The following KCNQ5 variants were observed in gnomAD, a reference collection of about 807,000 sequenced individuals.
KCNQ5 encodes potassium voltage-gated channel subfamily KQT member 5.
A neutral mutation model predicts 98.2 loss-of-function variants in KCNQ5; 30 were observed. The ratio of observed to expected loss-of-function variants is 0.31; its 90% CI spans 0.23 to 0.41. The LOEUF is 0.41. Ranked by LOEUF, KCNQ5 falls within the 10% of genes least tolerant of loss-of-function variation. The pLI, the probability that KCNQ5 is intolerant of heterozygous loss-of-function variation, is 1.00. For missense variants in KCNQ5, 835 were observed against 1,182.5 expected (o/e 0.71, Z 4.31); for synonymous variants, 458 against 449.4 (o/e 1.02, Z -0.24).
chr6:72,878,685 A>AT (rs1447129125), intron 1 of KCNQ5, among the ~76,000 whole-genome samples: 2 of 152,094 alleles, frequency 1.3e-5, no homozygotes, highest in African/African-American at 2.4e-5. Context: ...TGGGAGAGAT[A>AT]TTTTTTCAAG....
At chr6:72,805,726 A>T (rs1421168925) in intron 1 of KCNQ5, among the ~76,000 whole-genome samples, 1 of 152,130 alleles carries the variant, frequency 6.6e-6, no homozygotes, top group Non-Finnish European at 1.5e-5. Flanking sequence ...GTATTTTGAT[A>T]GGGATTGCAC....
At chr6:73,070,400 GACAA>G (rs1050186522) in intron 3 of KCNQ5, among the ~76,000 whole-genome samples, 3 of 152,068 alleles carry the variant, frequency 2.0e-5, no homozygotes, top group Admixed American at 2.0e-4. Context: ...TCACCACAGA[GACAA>G]ACAAAAATTC....
intron 1 of KCNQ5, among the ~76,000 whole-genome samples, chr6:72,658,510 A>G (rs558416058): frequency 6.9e-6 from 1 of 144,984 alleles, no homozygotes; most frequent in East Asian, 2.0e-4. Flanking sequence ...CAAACTCCTG[A>G]CCTCAAGTGA....
At chr6:72,833,481 G>C (rs923500117) in intron 1 of KCNQ5, among the ~76,000 whole-genome samples, 8 of 152,020 alleles carry the variant, frequency 5.3e-5, no homozygotes, top group African/African-American at 1.9e-4. Flanking sequence ...TTCTTCCCTT[G>C]TCAATGACAC....
rs138073873 is a variant in KCNQ5, at chr6:72,785,131, C to A, written c.398+162544C>A. On this transcript the variant is annotated intron_variant, in intron 1 of 13. Coordinates refer to ENST00000370398, the MANE Select transcript of KCNQ5 (RefSeq NM_019842.4). ...TCATTTAGCATCTCATGAAGTATTT[C>A]TTCTCTTATATCGTTGAAGACAAAC... 1.9e-3 allele frequency among the ~76,000 whole-genome samples: 293 copies of A among 152,280 alleles called. 3 individuals are homozygous for A. Among genetic ancestry groups the A allele is most frequent in the Admixed American group, 0.013 (203 of 15,302 alleles).
At chr6:72,878,099 C>A (rs571085426) in intron 1 of KCNQ5, among the ~76,000 whole-genome samples, 11 of 152,048 alleles carry the variant, frequency 7.2e-5, no homozygotes, top group Admixed American at 7.2e-4. Flanking sequence ...GGTGAAACCC[C>A]GTCTCTACTA....
At chr6:72,930,450 AAAAC>A (rs1399438235) in intron 1 of KCNQ5, among the ~76,000 whole-genome samples, 4 of 152,084 alleles carry the variant, frequency 2.6e-5, no homozygotes, top group Non-Finnish European at 2.9e-5. Context: ...AATCATGTTG[AAAAC>A]AAACAGACCA....
At chr6:72,935,352 T>C (rs1765869692) in intron 1 of KCNQ5, among the ~76,000 whole-genome samples, 1 of 152,186 alleles carries the variant, frequency 6.6e-6, no homozygotes, top group Non-Finnish European at 1.5e-5. Flanking sequence ...ATTACAGGCG[T>C]GAGCCACCTC....
chr6:73,190,707 A>G lies in KCNQ5; in HGVS notation c.1709+3A>G. On this transcript the variant is annotated splice_donor_region_variant and intron_variant, in intron 12 of 13. Transcript: ENST00000370398. ...AGAATTAAAAGCCTTCAAACACGGTAAGCAATGGAAATGTCATTCCTTGTA... is the reference window on the plus strand; with the variant it reads ...AGAATTAAAAGCCTTCAAACACGGTGAGCAATGGAAATGTCATTCCTTGTA... The G allele has an allele frequency of 6.5e-7, 1 of 1,530,562 alleles. No homozygotes were observed. The highest frequency in any genetic ancestry group is 1.4e-5 in the African/African-American group (1 of 72,566). The allele number at this position is 1,530,562 out of a possible 1,614,324, so 94.8% of individuals were successfully genotyped here.
At chr6:72,899,871 A>C (rs1779412103) in intron 1 of KCNQ5, among the ~76,000 whole-genome samples, 1 of 151,212 alleles carries the variant, frequency 6.6e-6, no homozygotes, top group Admixed American at 6.6e-5. Context: ...TCTGAGACAG[A>C]GTCTCACTCT....
chr6:72,702,786 C>T (rs908429347), intron 1 of KCNQ5, among the ~76,000 whole-genome samples: 1 of 152,152 alleles, frequency 6.6e-6, no homozygotes, highest in African/African-American at 2.4e-5. Context: ...GATTTCACTT[C>T]GTACAGGTAC....
At chr6:72,689,327 G>GA (rs1436764160) in intron 1 of KCNQ5, among the ~76,000 whole-genome samples, 1 of 152,120 alleles carries the variant, frequency 6.6e-6, no homozygotes, top group South Asian at 2.1e-4. Flanking sequence ...CCTTCACACA[G>GA]AAAAAACAAA....
At chr6:72,794,142 G>T (rs1774203256) in intron 1 of KCNQ5, among the ~76,000 whole-genome samples, 1 of 152,204 alleles carries the variant, frequency 6.6e-6, no homozygotes, top group Non-Finnish European at 1.5e-5. Flanking sequence ...GAATGTCAGT[G>T]CACGTTGGTG....
intron 1 of KCNQ5, among the ~76,000 whole-genome samples, chr6:72,928,931 T>C (rs1394976857): frequency 6.6e-6 from 1 of 152,156 alleles, no homozygotes; most frequent in Non-Finnish European, 1.5e-5. Context: ...GTTAGAGATA[T>C]AAAGATAAGT....
intron 1 of KCNQ5, among the ~76,000 whole-genome samples, chr6:72,975,448 G>A (rs1408916169): frequency 6.6e-6 from 1 of 152,106 alleles, no homozygotes; most frequent in Non-Finnish European, 1.5e-5. Context: ...ATACTTCAGT[G>A]ACTTCACACA....
chr6:73,188,058 G>T (rs12660923), intron 11 of KCNQ5, among the ~76,000 whole-genome samples: 4,669 of 152,272 alleles, frequency 0.031, 91 homozygotes, highest in East Asian at 0.069. Context: ...ACACACTGAC[G>T]TATGCTGTAG....
chr6:73,076,681 C>G (rs1480396008), intron 3 of KCNQ5, among the ~76,000 whole-genome samples: 1 of 152,106 alleles, frequency 6.6e-6, no homozygotes, highest in East Asian at 1.9e-4. Flanking sequence ...CAAACTTACA[C>G]ATAATTGGTG....
intron 5 of KCNQ5, among the ~76,000 whole-genome samples, chr6:73,094,376 G>T (rs574980516): frequency 6.6e-6 from 1 of 152,258 alleles, no homozygotes; most frequent in East Asian, 1.9e-4. Context: ...CTTTTAAGTG[G>T]AGCATTTAAG....
At chr6:72,687,694 T>A (rs1388574605) in intron 1 of KCNQ5, among the ~76,000 whole-genome samples, 1 of 152,194 alleles carries the variant, frequency 6.6e-6, no homozygotes, top group Non-Finnish European at 1.5e-5. Flanking sequence ...GTTTATATTA[T>A]AAGCATTGTG....
Sources: gnomAD v4.1 joint callset for allele counts (sites outside exome capture counted in the v4.1 genomes callset) on GRCh38, gnomAD v4.1.1 for gene constraint, MANE v1.5 for transcripts, NCBI Gene and HGNC (gene_info 2026-07-23, HGNC 2026-07-21) for gene names.